The following RBMS3 variants were observed in gnomAD, a reference collection of about 807,000 sequenced individuals.
The protein encoded by RBMS3 is RNA binding motif single stranded interacting protein 3.
In RBMS3, 27 loss-of-function variants were observed where a neutral mutation model predicts 66.8. That is an observed-to-expected ratio of 0.40 (90% CI 0.30 to 0.56). RBMS3 has a LOEUF of 0.56. Ranked by LOEUF, RBMS3 falls within the 20% of genes least tolerant of loss-of-function variation. The probability of loss-of-function intolerance (pLI) is 0.40; values close to 1 mark genes in which losing one functional copy is unlikely to be tolerated. For synonymous variants in RBMS3, 188 were observed against 183.0 expected (o/e 1.03, Z -0.22); for missense variants, 513 against 549.5 (o/e 0.93, Z 0.66).
chr3:29,652,886 T>C (rs2050193970), intron 4 of RBMS3, among the ~76,000 whole-genome samples: 1 of 152,180 alleles, frequency 6.6e-6, no homozygotes, highest in South Asian at 2.1e-4. Context: ...TCAAAGTCTC[T>C]TTCAATTTCT....
chr3:29,588,887 A>G (rs774015341), intron 4 of RBMS3, among the ~76,000 whole-genome samples: 4 of 152,074 alleles, frequency 2.6e-5, no homozygotes, highest in Non-Finnish European at 4.4e-5. Context: ...ATCTGGACTG[A>G]AAGTAACACC....
At chr3:29,328,636 T>C (rs1460456397) in intron 1 of RBMS3, among the ~76,000 whole-genome samples, 3 of 152,318 alleles carry the variant, frequency 2.0e-5, no homozygotes, top group South Asian at 2.1e-4. Flanking sequence ...TTCTCTCTTT[T>C]CTTCACTTAG....
At chr3:29,360,132 T>C (rs1317553223) in intron 1 of RBMS3, among the ~76,000 whole-genome samples, 1 of 152,200 alleles carries the variant, frequency 6.6e-6, no homozygotes, top group Non-Finnish European at 1.5e-5. Flanking sequence ...CTTTTCATTG[T>C]GATGTTAGGG....
chr3:29,922,608 G>A (rs1181171779), intron 10 of RBMS3, among the ~76,000 whole-genome samples: 1 of 151,482 alleles, frequency 6.6e-6, no homozygotes, highest in Non-Finnish European at 1.5e-5. Flanking sequence ...CTTTTAAAAA[G>A]TTATGAAGGC....
At chr3:29,539,325 T>C (rs1350037047) in intron 3 of RBMS3, among the ~76,000 whole-genome samples, 1 of 152,188 alleles carries the variant, frequency 6.6e-6, no homozygotes, top group Non-Finnish European at 1.5e-5. Flanking sequence ...ATAAACTCCT[T>C]TGTAGCAATT....
At chr3:29,897,078 C>T (rs577961423) in intron 8 of RBMS3, among the ~76,000 whole-genome samples, 6 of 151,596 alleles carry the variant, frequency 4.0e-5, no homozygotes, top group Admixed American at 4.0e-4. Flanking sequence ...CTTTCAAAGC[C>T]TTTTAAACAA....
At chr3:29,323,691 T>TAC (rs10565045) in intron 1 of RBMS3, among the ~76,000 whole-genome samples, 21,386 of 144,184 alleles carry the variant, frequency 0.15, 2,033 homozygotes, top group East Asian at 0.43. Context: ...CACACACACA[T>TAC]ACACACACAC....
chr3:29,897,481 T>A lies in RBMS3; in HGVS notation c.888+6T>A. On this transcript the variant is annotated splice_donor_region_variant and intron_variant, in intron 9 of 14. Transcript: ENST00000383767. ...CCCCTGTCTCCACATACCAGGTATG[T>A]CCAATTTACCTGCACCTTAGGAGAT... 6.2e-7 allele frequency: 1 copy of A among 1,605,812 alleles called. No individual in the cohort carries two copies. The highest frequency in any genetic ancestry group is 8.5e-7 in the Non-Finnish European group (1 of 1,173,268).
chr3:29,625,550 G>A (rs974800857), intron 4 of RBMS3, among the ~76,000 whole-genome samples: 5 of 151,836 alleles, frequency 3.3e-5, no homozygotes, highest in African/African-American at 1.2e-4. Context: ...AAAACTAACT[G>A]GGCTGGGTGT....
At chr3:29,875,082 A>G (rs1356700553) in intron 7 of RBMS3, among the ~76,000 whole-genome samples, 1 of 152,188 alleles carries the variant, frequency 6.6e-6, no homozygotes, top group Non-Finnish European at 1.5e-5. Context: ...GGAAATATCC[A>G]TGTACCATGA....
At chr3:29,383,447 A>G (rs1267373770) in intron 1 of RBMS3, among the ~76,000 whole-genome samples, 1 of 152,148 alleles carries the variant, frequency 6.6e-6, no homozygotes, top group Admixed American at 6.5e-5. Flanking sequence ...GAAGAAAGCT[A>G]TTTCTGTAAT....
At chr3:29,955,749 C>T (rs545164220) in intron 12 of RBMS3, among the ~76,000 whole-genome samples, 2 of 152,166 alleles carry the variant, frequency 1.3e-5, no homozygotes, top group African/African-American at 4.8e-5. Flanking sequence ...TGTCTTCCTT[C>T]CATATTGGGA....
At chr3:29,955,767 T>C (rs1695994809) in intron 12 of RBMS3, among the ~76,000 whole-genome samples, 1 of 152,086 alleles carries the variant, frequency 6.6e-6, no homozygotes, top group Admixed American at 6.6e-5. Context: ...GGAATCATTC[T>C]TCAATGCACC....
intron 4 of RBMS3, among the ~76,000 whole-genome samples, chr3:29,642,347 T>G (rs2049748937): frequency 6.6e-6 from 1 of 152,132 alleles, no homozygotes; most frequent in Non-Finnish European, 1.5e-5. Context: ...AACCTTTTCT[T>G]AAAACAAATT....
chr3:29,927,891 C>T (rs932047497), intron 10 of RBMS3, among the ~76,000 whole-genome samples: 3 of 151,986 alleles, frequency 2.0e-5, no homozygotes, highest in Non-Finnish European at 4.4e-5. Flanking sequence ...CTTGGGCAGC[C>T]CTACAACTCA....
intron 4 of RBMS3, chr3:29,614,517 C>T (rs1010482987): frequency 9.9e-5 from 15 of 152,022 alleles, no homozygotes; most frequent in African/African-American, 3.4e-4. Flanking sequence ...TATTAATTAG[C>T]TTTGTTTAGC....
At chr3:29,819,417 C>G (rs1029175081) in intron 6 of RBMS3, among the ~76,000 whole-genome samples, 2 of 152,090 alleles carry the variant, frequency 1.3e-5, no homozygotes, top group African/African-American at 4.8e-5. Flanking sequence ...GATAACAGAC[C>G]AGATTTGGAC....
At chr3:29,916,720 C>A (rs2060646565) in intron 10 of RBMS3, among the ~76,000 whole-genome samples, 1 of 151,832 alleles carries the variant, frequency 6.6e-6, no homozygotes, top group South Asian at 2.1e-4. Flanking sequence ...GAATACGAAA[C>A]ATGTGGATTG....
intron 1 of RBMS3, among the ~76,000 whole-genome samples, chr3:29,409,051 T>C (rs2040152386): frequency 6.6e-6 from 1 of 152,212 alleles, no homozygotes; most frequent in Non-Finnish European, 1.5e-5. Flanking sequence ...GTAATATAGA[T>C]GAGAAAACAG....
Sources: allele counts gnomAD v4.1 joint callset (sites outside exome capture counted in the v4.1 genomes callset), GRCh38; gene constraint gnomAD v4.1.1; transcripts MANE v1.5; gene names NCBI Gene and HGNC (gene_info 2026-07-23, HGNC 2026-07-21).